The following CADPS2 variants were observed in gnomAD, a reference collection of about 807,000 sequenced individuals.
CADPS2 encodes the protein calcium dependent secretion activator 2, also known as calcium-dependent secretion activator 2.
Under a neutral mutation model 172.5 loss-of-function variants are expected in CADPS2, and 93 were observed. That is an observed-to-expected ratio of 0.54 (90% CI 0.46 to 0.64). The LOEUF (loss-of-function observed/expected upper bound fraction) is 0.64. CADPS2 is among the 30% of genes least tolerant of loss of function. The pLI is 0.00. For missense variants in CADPS2, 1,420 were observed against 1,565.9 expected, an observed-to-expected ratio of 0.91 and a Z score of 1.57; for synonymous variants, 546 against 555.2, an observed-to-expected ratio of 0.98 and a Z score of 0.23.
intron 3 of CADPS2, among the ~76,000 whole-genome samples, chr7:122,652,857 C>G (rs1423508286): frequency 1.3e-5 from 2 of 152,046 alleles, no homozygotes; most frequent in African/African-American, 2.4e-5. Flanking sequence ...TTTCTATTAT[C>G]CCTAATTTCA....
chr7:122,810,292 T>C (rs529344314), intron 1 of CADPS2, among the ~76,000 whole-genome samples: 5 of 152,318 alleles, frequency 3.3e-5, no homozygotes, highest in African/African-American at 7.2e-5. Flanking sequence ...GTGGCTCCTA[T>C]TGACCTACTT....
intron 1 of CADPS2, among the ~76,000 whole-genome samples, chr7:122,785,458 G>A (rs1793796321): frequency 6.6e-6 from 1 of 152,108 alleles, no homozygotes; most frequent in South Asian, 2.1e-4. Flanking sequence ...AGAGTCTCTG[G>A]AGGAGGTACC....
At chr7:122,805,455 G>C (rs1798592776) in intron 1 of CADPS2, among the ~76,000 whole-genome samples, 1 of 152,158 alleles carries the variant, frequency 6.6e-6, no homozygotes, top group Non-Finnish European at 1.5e-5. Flanking sequence ...ACCACACCCG[G>C]TCTTCAATTA....
intron 1 of CADPS2, among the ~76,000 whole-genome samples, chr7:122,762,637 C>T (rs1450746876): frequency 1.3e-5 from 2 of 152,094 alleles, no homozygotes; most frequent in Non-Finnish European, 1.5e-5. Context: ...TTCTCCCATG[C>T]ACCTCTCTCA....
intron 24 of CADPS2, among the ~76,000 whole-genome samples, chr7:122,382,988 C>T (rs2043197093): frequency 6.6e-6 from 1 of 152,026 alleles, no homozygotes; most frequent in African/African-American, 2.4e-5. Flanking sequence ...ATCACTAAAC[C>T]AAACAAACGA....
chr7:122,559,757 C>G (rs1196130575), intron 7 of CADPS2, among the ~76,000 whole-genome samples: 1 of 121,162 alleles, frequency 8.3e-6, no homozygotes, highest in Non-Finnish European at 1.6e-5. Flanking sequence ...GGTGACAGTG[C>G]GAGACTCCAC....
chr7:122,642,279 CAA>C (rs11370822), intron 3 of CADPS2, among the ~76,000 whole-genome samples: 20 of 124,792 alleles, frequency 1.6e-4, no homozygotes, highest in East Asian at 2.3e-4. Context: ...GACTCCATCT[CAA>C]AAAAAAAAAA....
At chr7:122,779,236 A>G (rs147621186) in intron 1 of CADPS2, among the ~76,000 whole-genome samples, 2 of 152,276 alleles carry the variant, frequency 1.3e-5, no homozygotes, top group East Asian at 3.9e-4. Flanking sequence ...AACCAACCAC[A>G]GAATCTCAGT....
intron 4 of CADPS2, among the ~76,000 whole-genome samples, chr7:122,624,746 C>T (rs1200673375): frequency 6.6e-6 from 1 of 152,170 alleles, no homozygotes; most frequent in Non-Finnish European, 1.5e-5. Context: ...AGATTTCTCA[C>T]AAATATGCCA....
intron 3 of CADPS2, among the ~76,000 whole-genome samples, chr7:122,633,459 T>C (rs992161277): frequency 6.6e-6 from 1 of 152,132 alleles, no homozygotes; most frequent in Non-Finnish European, 1.5e-5. Context: ...TGTGTATCTA[T>C]TGTAAATGGG....
chr7:122,772,470 A>G (rs2093733813), intron 1 of CADPS2, among the ~76,000 whole-genome samples: 1 of 152,208 alleles, frequency 6.6e-6, no homozygotes, highest in African/African-American at 2.4e-5. Context: ...ACTACATTCC[A>G]TCAGAAAACC....
intron 9 of CADPS2, among the ~76,000 whole-genome samples, chr7:122,506,871 G>A (rs921274919): frequency 2.0e-5 from 3 of 151,956 alleles, no homozygotes; most frequent in East Asian, 1.9e-4. Flanking sequence ...GTTAGTATTC[G>A]GTGTACAAAT....
At position 122,398,059 on chromosome 7, in the gene CADPS2, C is replaced by G. The variant is rs770610351; in HGVS notation, c.2747-4477G>C. 6.6e-5 allele frequency among the ~76,000 whole-genome samples: 10 copies of G among 152,072 alleles called. No individual in the cohort carries two copies. In the South Asian group the frequency reaches 2.1e-3, roughly 32 times the overall value. ...ACAATTAGAAATGGCAAAAAGAAAA[C>G]AAATGGCTTAAATATAAGCTAAACT... On this transcript the variant is annotated intron_variant, in intron 20 of 29. Transcript: ENST00000449022.
chr7:122,321,127 C>T (rs985789893), intron 29 of CADPS2, among the ~76,000 whole-genome samples: 1 of 152,144 alleles, frequency 6.6e-6, no homozygotes, highest in Non-Finnish European at 1.5e-5. Context: ...AAATATTAAT[C>T]TATAATGTTT....
At chr7:122,438,493 G>A (rs769498415) in intron 16 of CADPS2, 29 bp from the exon 17 acceptor site, 3 of 1,610,172 alleles carry the variant, frequency 1.9e-6, no homozygotes, top group Admixed American at 1.7e-5. Flanking sequence ...GAAGGGTGAG[G>A]GGCAGGGTTG....
At chr7:122,696,249 T>A (rs2085069277) in intron 2 of CADPS2, among the ~76,000 whole-genome samples, 1 of 152,146 alleles carries the variant, frequency 6.6e-6, no homozygotes, top group East Asian at 1.9e-4. Flanking sequence ...CCCTCGTCCC[T>A]CAGGAAATGA....
At chr7:122,536,176 G>A (rs993595712) in intron 8 of CADPS2, among the ~76,000 whole-genome samples, 1 of 152,044 alleles carries the variant, frequency 6.6e-6, no homozygotes, top group East Asian at 1.9e-4. Flanking sequence ...AAAATGAATA[G>A]TTGTAGAATA....
rs778963218 is a variant in CADPS2, at chr7:122,637,208, T to TTTTTTTTTTTTTTTTTTTCTC, written c.787-7881_787-7880insGAGAAAAAAAAAAAAAAAAAA. Among the ~76,000 whole-genome samples the TTTTTTTTTTTTTTTTTTTCTC allele has an allele frequency of 9.6e-5, 6 of 62,694 alleles. 1 individual carries two copies. The highest frequency in any genetic ancestry group is 1.2e-4 in the African/African-American group (2 of 16,070). The allele number at this position is 62,694 out of a possible 152,430, so 41.1% of individuals were successfully genotyped here. A position where few individuals can be genotyped will look rare whatever the true frequency, so the allele number is the denominator to read the frequency against. On this transcript the variant is annotated intron_variant, in intron 3 of 29. Transcript: ENST00000449022. Reference sequence around the variant, plus strand: ...TTTTTTTTTTTTTTTTTTTTTTTTTTCCTGAGACAGGGTCTCACTCTGTGG... The same window carrying TTTTTTTTTTTTTTTTTTTCTC: ...TTTTTTTTTTTTTTTTTTTTTTTTTTTTTTTTTTTTTTTTTTTTCTCCCTGAGACAGGGTCTCACTCTGTGG...
chr7:122,849,925 C>T, intron 1 of CADPS2: 1 of 559,442 alleles, frequency 1.8e-6, no homozygotes, highest in Non-Finnish European at 3.3e-6. Context: ...CAGCTCTGGC[C>T]CAGGCCCCAG....
Sources: gnomAD v4.1 joint callset for allele counts (sites outside exome capture counted in the v4.1 genomes callset) on GRCh38, gnomAD v4.1.1 for gene constraint, MANE v1.5 for transcripts, NCBI Gene and HGNC (gene_info 2026-07-23, HGNC 2026-07-21) for gene names.